Variants in TAMM41 observed in about 807,000 individuals in gnomAD.
The protein encoded by TAMM41 is phosphatidate cytidylyltransferase, mitochondrial.
In TAMM41, 36 loss-of-function variants were observed where a neutral mutation model predicts 44.1. The ratio of observed to expected loss-of-function variants is 0.82; its 90% CI spans 0.63 to 1.08. The LOEUF (loss-of-function observed/expected upper bound fraction) is 1.08. TAMM41 is among the 50% of genes least tolerant of loss of function. The pLI is 0.00. For missense variants in TAMM41, 417 were observed against 404.3 expected (o/e 1.03, Z -0.27); for synonymous variants, 164 against 153.1 (o/e 1.07, Z -0.53).
chr3:11,784,630 G>T, the TAMM41 span, among the ~76,000 whole-genome samples: 1 of 152,120 alleles, frequency 6.6e-6, no homozygotes, highest in African/African-American at 2.4e-5. Context: ...TTTCTATGAG[G>T]AGAGTGGGTG....
At position 11,835,993 on chromosome 3, in the gene TAMM41, T is replaced by TC. The variant is rs201586776; in HGVS notation, c.411+3228_411+3229insG. On this transcript the variant is annotated intron_variant, in intron 3 of 7. Transcript: ENST00000455809. ...TCTGCTTCCAATATTCCTTTTCCTT[T>TC]TTTTTTTTTTTTTTGAGACTGGGTC... Among the ~76,000 whole-genome samples, 1,109 of 149,950 alleles carry TC rather than the reference T, an allele frequency of 7.4e-3. 11 individuals are homozygous for TC. Among genetic ancestry groups the TC allele is most frequent in the African/African-American group, 0.026 (1,052 of 41,016 alleles).
the TAMM41 span, among the ~76,000 whole-genome samples, chr3:11,726,800 C>CAAAAAAA: frequency 6.5e-5 from 6 of 92,932 alleles, no homozygotes; most frequent in Admixed American, 1.1e-4. Context: ...GACTCTGTCT[C>CAAAAAAA]AAAAAAAAAA....
chr3:11,830,286 CT>C (rs2078929115), intron 3 of TAMM41, among the ~76,000 whole-genome samples: 1 of 152,114 alleles, frequency 6.6e-6, no homozygotes. Context: ...GAAGTTCATG[CT>C]CTATTTCGCA....
chr3:11,775,185 A>G, the TAMM41 span, among the ~76,000 whole-genome samples: 1 of 145,904 alleles, frequency 6.9e-6, no homozygotes, highest in Non-Finnish European at 1.5e-5. Context: ...ATTAAGATGC[A>G]TTATTTTTGT....
chr3:11,736,360 A>G, the TAMM41 span, among the ~76,000 whole-genome samples: 3 of 152,232 alleles, frequency 2.0e-5, no homozygotes, highest in African/African-American at 7.2e-5. Context: ...TGATTAGCTC[A>G]GGAGGATGGG....
intron 7 of TAMM41, among the ~76,000 whole-genome samples, chr3:11,796,872 C>T (rs189339333): frequency 1.1e-4 from 11 of 103,842 alleles, no homozygotes. Context: ...CAACAACAGT[C>T]AAGCCAAGAG....
intron 7 of TAMM41, among the ~76,000 whole-genome samples, chr3:11,793,083 A>AAAAAAAAAAAAAAAAG (rs1553566249): frequency 1.6e-4 from 21 of 132,636 alleles, no homozygotes; most frequent in African/African-American, 5.7e-4. Context: ...AAAAAAAAAA[A>AAAAAAAAAAAAAAAAG]AGAGAGTGAA....
At chr3:11,745,763 C>T in the TAMM41 span, among the ~76,000 whole-genome samples, 3 of 152,052 alleles carry the variant, frequency 2.0e-5, no homozygotes, top group Non-Finnish European at 4.4e-5. Context: ...GGTGGTGATA[C>T]GGGCATAGCT....
At chr3:11,743,450 C>T in the TAMM41 span, among the ~76,000 whole-genome samples, 16 of 151,750 alleles carry the variant, frequency 1.1e-4, 1 homozygote, top group Admixed American at 3.3e-4. Flanking sequence ...TCTTGTGCCT[C>T]AGCCTCCCAA....
At chr3:11,830,059 C>T (rs2078920332) in intron 3 of TAMM41, 195 bp from the exon 4 acceptor site, 2 of 545,262 alleles carry the variant, frequency 3.7e-6, no homozygotes, top group East Asian at 5.6e-5. Flanking sequence ...TCAAAGAAAT[C>T]ATGACACAGG....
At chr3:11,780,263 T>A in the TAMM41 span, among the ~76,000 whole-genome samples, 16 of 152,360 alleles carry the variant, frequency 1.1e-4, 1 homozygote, top group South Asian at 3.1e-3. Context: ...CTGCACAGTA[T>A]ATGTCTGGCA....
the TAMM41 span, among the ~76,000 whole-genome samples, chr3:11,730,851 C>T: frequency 2.0e-5 from 3 of 152,310 alleles, no homozygotes; most frequent in South Asian, 6.2e-4. Flanking sequence ...CTCTGCACCA[C>T]CACATGGAGC....
At chr3:11,757,296 G>A in the TAMM41 span, among the ~76,000 whole-genome samples, 1 of 152,202 alleles carries the variant, frequency 6.6e-6, no homozygotes, top group South Asian at 2.1e-4. Context: ...TATGTTGAAA[G>A]TTGAGTGAGG....
chr3:11,832,334 C>A (rs2079015530), intron 3 of TAMM41, among the ~76,000 whole-genome samples: 1 of 151,492 alleles, frequency 6.6e-6, no homozygotes, highest in Non-Finnish European at 1.5e-5. Context: ...AATTTGCTGC[C>A]ACATGCCAAT....
chr3:11,837,467 C>A (rs2079230734), intron 3 of TAMM41, among the ~76,000 whole-genome samples: 1 of 151,646 alleles, frequency 6.6e-6, no homozygotes, highest in Non-Finnish European at 1.5e-5. Flanking sequence ...TAAGTTCTCT[C>A]CCACTTTTTT....
chr3:11,738,956 T>C, the TAMM41 span, among the ~76,000 whole-genome samples: 4 of 152,234 alleles, frequency 2.6e-5, no homozygotes, highest in African/African-American at 4.8e-5. Context: ...CTGCCTGTTC[T>C]GGGCCCAGCC....
chr3:11,764,414 C>A, the TAMM41 span, among the ~76,000 whole-genome samples: 1 of 151,574 alleles, frequency 6.6e-6, no homozygotes, highest in East Asian at 1.9e-4. Flanking sequence ...GCTCCCAGAC[C>A]TTTATCCCGA....
chr3:11,817,128 A>C, intron 5 of TAMM41, 64 bp downstream of exon 5: 5 of 1,550,334 alleles, frequency 3.2e-6, no homozygotes, highest in Non-Finnish European at 4.4e-6. Context: ...TCTACCCCTG[A>C]CTTTCTTCCT....
chr3:11,772,693 A>C, the TAMM41 span, among the ~76,000 whole-genome samples: 12 of 152,088 alleles, frequency 7.9e-5, no homozygotes, highest in Non-Finnish European at 1.3e-4. Flanking sequence ...CAGTAAAGGG[A>C]TTGGAGTCTA....
Sources: gnomAD v4.1 joint callset for allele counts (sites outside exome capture counted in the v4.1 genomes callset) on GRCh38, gnomAD v4.1.1 for gene constraint, MANE v1.5 for transcripts, NCBI Gene and HGNC (gene_info 2026-07-23, HGNC 2026-07-21) for gene names.